Variants in CSMD1 observed in about 807,000 individuals in gnomAD.
CSMD1 encodes CUB and sushi domain-containing protein 1.
Under a neutral mutation model 417.5 loss-of-function variants are expected in CSMD1, and 213 were observed. The observed-to-expected ratio is 0.51, with a 90% CI of 0.46 to 0.57. CSMD1 has a LOEUF of 0.57. Ranked by LOEUF, CSMD1 falls within the 20% of genes least tolerant of loss-of-function variation. CSMD1 has a pLI of 0.00. For missense variants in CSMD1, 6,923 were observed against 4,529.7 expected, an observed-to-expected ratio of 1.53 and a Z score of -15.17; for synonymous variants, 2,862 against 1,736.8, an observed-to-expected ratio of 1.65 and a Z score of -16.11.
At chr8:4,260,318 GTC>G (rs1803788189) in intron 3 of CSMD1, among the ~76,000 whole-genome samples, 1 of 152,092 alleles carries the variant, frequency 6.6e-6, no homozygotes, top group Non-Finnish European at 1.5e-5. Context: ...TTTATGATGT[GTC>G]TGTTTTTATT....
At chr8:3,880,137 G>A (rs1393145742) in intron 5 of CSMD1, among the ~76,000 whole-genome samples, 1 of 152,020 alleles carries the variant, frequency 6.6e-6, no homozygotes, top group African/African-American at 2.4e-5. Flanking sequence ...TACTGTGACT[G>A]CTAGTACCTT....
intron 3 of CSMD1, among the ~76,000 whole-genome samples, chr8:4,065,464 T>G (rs1177492094): frequency 6.6e-6 from 1 of 152,236 alleles, no homozygotes; most frequent in Non-Finnish European, 1.5e-5. Flanking sequence ...GCTTTTCTTT[T>G]ACTGAATGTA....
chr8:3,338,741 T>C (rs964130681), intron 23 of CSMD1, among the ~76,000 whole-genome samples: 2 of 152,096 alleles, frequency 1.3e-5, no homozygotes, highest in South Asian at 2.1e-4. Context: ...TTAAAATAAT[T>C]GGTACAAAGT....
chr8:3,595,623 G>A (rs914734238), intron 8 of CSMD1, among the ~76,000 whole-genome samples: 6 of 152,138 alleles, frequency 3.9e-5, no homozygotes, highest in Admixed American at 3.9e-4. Flanking sequence ...GCAACAGTAA[G>A]CTTGGAGTGA....
intron 1 of CSMD1, among the ~76,000 whole-genome samples, chr8:4,825,995 G>A (rs534763683): frequency 5.7e-4 from 86 of 152,070 alleles, no homozygotes; most frequent in African/African-American, 2.0e-3. Flanking sequence ...ACAAGTGTTG[G>A]GGAGGATGTG....
At chr8:3,164,109 G>A (rs564877596) in intron 37 of CSMD1, among the ~76,000 whole-genome samples, 9 of 152,258 alleles carry the variant, frequency 5.9e-5, no homozygotes, top group Admixed American at 1.3e-4. Context: ...CTGAGAGGGC[G>A]AAATGGAGAG....
chr8:3,808,076 T>C (rs987411176), intron 5 of CSMD1, among the ~76,000 whole-genome samples: 9 of 152,068 alleles, frequency 5.9e-5, no homozygotes, highest in African/African-American at 1.7e-4. Context: ...CTGAAGAAAA[T>C]GGTTTGATTA....
intron 2 of CSMD1, among the ~76,000 whole-genome samples, chr8:4,526,762 G>C (rs867612567): frequency 1.3e-5 from 2 of 151,974 alleles, no homozygotes; most frequent in Admixed American, 6.6e-5. Context: ...CGTTAGCAGG[G>C]ACTATGATTC....
At chr8:4,562,994 A>G (rs1798417748) in intron 2 of CSMD1, among the ~76,000 whole-genome samples, 1 of 152,164 alleles carries the variant, frequency 6.6e-6, no homozygotes, top group Non-Finnish European at 1.5e-5. Flanking sequence ...GTATGGTAGC[A>G]CTCACATGCA....
At position 3,887,436 on chromosome 8, in the gene CSMD1, C is replaced by A. The variant is rs150851635; in HGVS notation, c.818+110467G>T. 1.5e-3 allele frequency among the ~76,000 whole-genome samples: 233 copies of A among 152,272 alleles called. 3 individuals carry two copies. The highest frequency in any genetic ancestry group is 5.3e-3 in the African/African-American group (220 of 41,540). ...CTGAAATGTATGGACAAATTATAGA[C>A]CCTATCCATGAAAGTGGGGCTAATT... On this transcript the variant is annotated intron_variant, in intron 5 of 69. Transcript: ENST00000635120.
At chr8:3,769,992 C>A (rs1004061795) in intron 5 of CSMD1, among the ~76,000 whole-genome samples, 2 of 152,172 alleles carry the variant, frequency 1.3e-5, no homozygotes, top group Admixed American at 6.5e-5. Context: ...ATACAGTGAC[C>A]TGCCTTTTTC....
At chr8:4,051,879 TCTTC>T (rs71205410) in intron 3 of CSMD1, among the ~76,000 whole-genome samples, 5,305 of 61,882 alleles carry the variant, frequency 0.086, 300 homozygotes, top group African/African-American at 0.2. Flanking sequence ...CTTCCTCCTT[TCTTC>T]CTTCCTTCCT....
chr8:3,663,327 A>G (rs1798513903), intron 7 of CSMD1, among the ~76,000 whole-genome samples: 1 of 152,174 alleles, frequency 6.6e-6, no homozygotes, highest in Non-Finnish European at 1.5e-5. Flanking sequence ...AGAGGTAGGC[A>G]TGGTGCGTTC....
intron 3 of CSMD1, among the ~76,000 whole-genome samples, chr8:4,307,510 T>A (rs904468671): frequency 1.3e-5 from 2 of 152,198 alleles, no homozygotes; most frequent in Non-Finnish European, 2.9e-5. Flanking sequence ...TACCCTGTTA[T>A]GTCAACCATG....
At chr8:4,563,445 T>C (rs1367718441) in intron 2 of CSMD1, among the ~76,000 whole-genome samples, 1 of 151,996 alleles carries the variant, frequency 6.6e-6, no homozygotes, top group Admixed American at 6.6e-5. Flanking sequence ...AAAACAATGA[T>C]CATCTCACAT....
intron 1 of CSMD1, among the ~76,000 whole-genome samples, chr8:4,883,292 A>G (rs1359588015): frequency 6.6e-6 from 1 of 152,136 alleles, no homozygotes; most frequent in Non-Finnish European, 1.5e-5. Context: ...AAATAGAGTT[A>G]CAGATAAATG....
intron 3 of CSMD1, among the ~76,000 whole-genome samples, chr8:4,272,665 G>A (rs1380954486): frequency 2.0e-5 from 3 of 152,090 alleles, no homozygotes; most frequent in Non-Finnish European, 2.9e-5. Context: ...ACTCCAAACC[G>A]ACTGTAGATG....
At chr8:4,247,630 A>G (rs775679896) in intron 3 of CSMD1, among the ~76,000 whole-genome samples, 3 of 152,154 alleles carry the variant, frequency 2.0e-5, no homozygotes, top group Non-Finnish European at 4.4e-5. Flanking sequence ...GCAGAGGTAG[A>G]TTTCAAGTAA....
intron 12 of CSMD1, among the ~76,000 whole-genome samples, chr8:3,410,766 T>G (rs545521517): frequency 1.3e-5 from 2 of 152,182 alleles, no homozygotes; most frequent in Admixed American, 1.3e-4. Context: ...TGAGACAGGA[T>G]CTCACTCTGT....
Sources: gnomAD v4.1 joint callset for allele counts (sites outside exome capture counted in the v4.1 genomes callset) on GRCh38, gnomAD v4.1.1 for gene constraint, MANE v1.5 for transcripts, NCBI Gene and HGNC (gene_info 2026-07-23, HGNC 2026-07-21) for gene names.